The following HIPK3 variants were observed in gnomAD, a reference collection of about 807,000 sequenced individuals.
HIPK3 encodes homeodomain interacting protein kinase 3.
A neutral mutation model predicts 124.2 loss-of-function variants in HIPK3; 47 were observed. That is an observed-to-expected ratio of 0.38 (90% CI 0.30 to 0.48). HIPK3 has a LOEUF of 0.48. Ranked by LOEUF, HIPK3 falls within the 20% of genes least tolerant of loss-of-function variation. HIPK3 has a pLI of 0.98. For synonymous variants in HIPK3, 482 were observed against 515.2 expected, an observed-to-expected ratio of 0.94 and a Z score of 0.87; for missense variants, 1,286 against 1,454.3, an observed-to-expected ratio of 0.88 and a Z score of 1.88.
At position 33,347,708 on chromosome 11, in the gene HIPK3, T is replaced by A; in HGVS notation, c.2099T>A (p.Leu700Gln). The A allele has an allele frequency of 6.2e-7, 1 of 1,614,208 alleles. No homozygotes were observed. Among genetic ancestry groups the A allele is most frequent in the Non-Finnish European group, 8.5e-7 (1 of 1,180,012 alleles). The part of the protein sequence containing the change: ...VTPLAPATTT[L>Q]TSESVAGSHR... ...CCCCTGGCTCCTGCTACTACTACAC[T>A]AACTTCTGAGAGTGTGGCTGGTTCA... Residue 700 changes from leucine (L) to glutamine (Q), a missense_variant, in exon 10 of 17, where the codon CTA becomes CAA. Coordinates refer to ENST00000303296, the MANE Select transcript of HIPK3 (RefSeq NM_005734.5).
chr11:33,343,247 TTGTGTGTGTGTGTG>T (rs3884092), intron 8 of HIPK3, among the ~76,000 whole-genome samples: 22 of 141,496 alleles, frequency 1.6e-4, no homozygotes, highest in East Asian at 4.2e-4. Flanking sequence ...TTATTTGATT[TTGTGTGTGTGTGTG>T]TGTGTGTGTG....
In HIPK3 at chr11:33,339,567, TAA is replaced by T. The variant is rs201420846; in HGVS notation, c.1613+41_1613+42del. 8.8e-6 allele frequency: 12 copies of T among 1,365,014 alleles called. No individual in the cohort carries two copies. In the African/African-American group the frequency reaches 1.6e-4, roughly 18 times the overall value. The allele number at this position is 1,365,014 out of a possible 1,614,324, so 84.6% of individuals were successfully genotyped here. A position where few individuals can be genotyped will look rare whatever the true frequency, so the allele number is the denominator to read the frequency against. ...ACTTTAAGATCTTTTAAAGTGGTTC[TAA>T]AAAAAAATAAGTCTGTAGAAAATGA... On this transcript the variant is annotated intron_variant, in intron 6 of 16. Coordinates refer to ENST00000303296, the MANE Select transcript of HIPK3 (RefSeq NM_005734.5).
rs189818361 is a variant in HIPK3 at position 33,270,343 on chromosome 11, C to A, written c.-3+12454C>A. On this transcript the variant is annotated intron_variant, in intron 1 of 16. Transcript: ENST00000303296. ...ATTTATTGTTTTTTTGAGACGGAGT[C>A]TGTCACCCAGGCTGTAGTGCAATGG... Among the ~76,000 whole-genome samples the A allele has an allele frequency of 1.3e-3, 199 of 151,816 alleles. 1 individual carries two copies. Among genetic ancestry groups the A allele is most frequent in the Non-Finnish European group, 2.3e-3 (157 of 67,964 alleles).
chr11:33,257,239 G>C (rs988463595), upstream of HIPK3: 3 of 984,020 alleles, frequency 3.0e-6, no homozygotes, highest in African/African-American at 5.3e-5. Context: ...ACCCCGGGGA[G>C]GGGCTTCACG....
At chr11:33,314,135 A>C (rs1482117229) in intron 2 of HIPK3, among the ~76,000 whole-genome samples, 5 of 152,184 alleles carry the variant, frequency 3.3e-5, no homozygotes, top group African/African-American at 1.2e-4. Flanking sequence ...TAATGCATTT[A>C]ATAGTTCATA....
intron 1 of HIPK3, chr11:33,258,335 T>G: frequency 2.0e-6 from 2 of 985,434 alleles, no homozygotes; most frequent in Non-Finnish European, 2.4e-6. Flanking sequence ...TTTCCTTTCA[T>G]TAAGGGGAAC....
At chr11:33,343,247 T>TTTTGTG (rs376198168) in intron 8 of HIPK3, among the ~76,000 whole-genome samples, 2 of 141,418 alleles carry the variant, frequency 1.4e-5, no homozygotes, top group African/African-American at 5.4e-5. Flanking sequence ...TTATTTGATT[T>TTTTGTG]TGTGTGTGTG....
intron 1 of HIPK3, among the ~76,000 whole-genome samples, chr11:33,282,303 T>C (rs1851431350): frequency 6.6e-6 from 1 of 152,114 alleles, no homozygotes; most frequent in African/African-American, 2.4e-5. Context: ...GAGGATCGTT[T>C]GAGCTCAGGA....
chr11:33,341,227 A>G, intron 7 of HIPK3, 100 bp downstream of exon 7: 1 of 834,206 alleles, frequency 1.2e-6, no homozygotes, highest in Non-Finnish European at 1.8e-6. Context: ...GTTAGAATGT[A>G]CAGTGCTGTG....
At position 33,302,340 on chromosome 11, in the gene HIPK3, TTC is replaced by T. The variant is rs1354979773; in HGVS notation, c.1097+14831_1097+14832del. Among the ~76,000 whole-genome samples, 28 of 46,228 alleles carry T rather than the reference TTC, an allele frequency of 6.1e-4. 1 individual carries two copies. The highest frequency in any genetic ancestry group is 0.01 in the Middle Eastern group (1 of 100). The allele number at this position is 46,228 out of a possible 152,430, so 30.3% of individuals were successfully genotyped here. ...GAACTTCTCTATGATAATTCCTTAC[TTC>T]TTTTTTTTTTTTTTGAGAAGGAGTC... On this transcript the variant is annotated intron_variant, in intron 2 of 16. Transcript: ENST00000303296.
At chr11:33,290,932 T>TA (rs1211652974) in intron 2 of HIPK3, among the ~76,000 whole-genome samples, 1 of 152,210 alleles carries the variant, frequency 6.6e-6, no homozygotes, top group Non-Finnish European at 1.5e-5. Flanking sequence ...GCTCTGGGTT[T>TA]AGAGTGAAAA....
Position 33,328,618 on chromosome 11 carries a change from C to A in HIPK3, c.1206C>A (p.Ala402=), listed in dbSNP as rs1214231885. Residue 402 remains alanine (A), a synonymous_variant, in exon 3 of 17, where the codon GCC becomes GCA. Coordinates refer to ENST00000303296, the MANE Select transcript of HIPK3 (RefSeq NM_005734.5). ...LFLGWPLYPG[A]LEYDQIRYIS... is the part of the protein sequence containing the mutation. ...TTGGATGGCCGCTCTACCCAGGAGC[C>A]TTGGAGTATGATCAGGTAACAAATA... 1 of 1,613,152 alleles carries A rather than the reference C, an allele frequency of 6.2e-7. No individual in the cohort carries two copies. Among genetic ancestry groups the A allele is most frequent in the African/African-American group, 1.3e-5 (1 of 74,858 alleles).
intron 2 of HIPK3, among the ~76,000 whole-genome samples, chr11:33,302,173 A>C (rs945955593): frequency 5.3e-5 from 8 of 152,130 alleles, no homozygotes; most frequent in African/African-American, 1.2e-4. Flanking sequence ...CTGTGTGCCT[A>C]GACACTTGTA....
intron 3 of HIPK3, among the ~76,000 whole-genome samples, chr11:33,335,387 A>G (rs1419478725): frequency 6.6e-6 from 1 of 152,208 alleles, no homozygotes; most frequent in Non-Finnish European, 1.5e-5. Flanking sequence ...GACCCAGAAA[A>G]GCATGGCGTC....
At chr11:33,257,174 C>A, upstream of HIPK3, 1 of 932,038 alleles carries the variant, frequency 1.1e-6, no homozygotes, top group Non-Finnish European at 1.3e-6. Flanking sequence ...TGGGGCCGCA[C>A]GGGCTGGCAG....
At chr11:33,258,274 G>T (rs1386947689) in intron 1 of HIPK3, 2 of 984,524 alleles carry the variant, frequency 2.0e-6, no homozygotes, top group Non-Finnish European at 2.4e-6. Flanking sequence ...TAGTCCCACG[G>T]GGAGCCTCTC....
At chr11:33,296,148 A>G (rs906035968) in intron 2 of HIPK3, among the ~76,000 whole-genome samples, 6 of 151,992 alleles carry the variant, frequency 3.9e-5, no homozygotes, top group African/African-American at 1.2e-4. Flanking sequence ...ATCACTCATC[A>G]TTCTTTGTTT....
intron 8 of HIPK3, among the ~76,000 whole-genome samples, chr11:33,345,917 TAGAG>T (rs1853478433): frequency 6.6e-6 from 1 of 152,096 alleles, no homozygotes; most frequent in Admixed American, 6.5e-5. Context: ...TGTTTTACAA[TAGAG>T]AAAGAAAACA....
chr11:33,293,719 A>G (rs1475262851), intron 2 of HIPK3, among the ~76,000 whole-genome samples: 1 of 152,206 alleles, frequency 6.6e-6, no homozygotes, highest in Non-Finnish European at 1.5e-5. Flanking sequence ...TGTGAATAGA[A>G]ACTGTAATAT....
Sources: allele counts gnomAD v4.1 joint callset (sites outside exome capture counted in the v4.1 genomes callset), GRCh38; gene constraint gnomAD v4.1.1; transcripts MANE v1.5; gene names NCBI Gene and HGNC (gene_info 2026-07-23, HGNC 2026-07-21).